The following ATPAF2 variants were observed in gnomAD, a reference collection of about 807,000 sequenced individuals.
ATPAF2 encodes ATP synthase mitochondrial F1 complex assembly factor 2.
Under a neutral mutation model 36.6 loss-of-function variants are expected in ATPAF2, and 30 were observed. The ratio of observed to expected loss-of-function variants is 0.82; its 90% CI spans 0.61 to 1.11. The LOEUF is 1.11. ATPAF2 is among the 50% of genes most tolerant of loss of function. The pLI, the probability that ATPAF2 is intolerant of heterozygous loss-of-function variation, is 0.00. For missense variants in ATPAF2, 321 were observed against 372.3 expected, an observed-to-expected ratio of 0.86 and a Z score of 1.13; for synonymous variants, 140 against 152.6, an observed-to-expected ratio of 0.92 and a Z score of 0.61.
At chr17:18,035,542 T>C (rs2044691554) in intron 1 of ATPAF2, among the ~76,000 whole-genome samples, 1 of 152,170 alleles carries the variant, frequency 6.6e-6, no homozygotes, top group African/African-American at 2.4e-5. Context: ...CAAGTAAATA[T>C]CTCAATAAAG....
At position 18,028,363 on chromosome 17, in the gene ATPAF2, T is replaced by G; in HGVS notation, c.193A>C (p.Asn65His). Reference sequence around the variant, plus strand: ...GTTTTCAGCTTCCTGTGGTCCAGGTTTATCTCAAAGCCACCTTGAAAGATC... The same window carrying G: ...GTTTTCAGCTTCCTGTGGTCCAGGTGTATCTCAAAGCCACCTTGAAAGATC... ...ITQGEGGFEI[N>H]LDHRKLKTPQ... Residue 65 changes from asparagine to histidine, a missense_variant, in exon 3 of 8, where the codon AAC becomes CAC. Asn to His is a moderately conservative substitution (Grantham distance 68). This residue lies in a region of ATPAF2 where 53 missense variants were observed against 91.6 expected (regional missense o/e 0.58). Coordinates refer to ENST00000474627, the MANE Select transcript of ATPAF2 (RefSeq NM_145691.4). 1 of 1,614,052 alleles carries G rather than the reference T, an allele frequency of 6.2e-7. No individual in the cohort carries two copies. Among genetic ancestry groups the G allele is most frequent in the South Asian group, 1.1e-5 (1 of 91,076 alleles).
Position 18,021,723 on chromosome 17 carries a change from C to G in ATPAF2, c.616+22G>C, listed in dbSNP as rs760581066. 7.5e-6 allele frequency: 12 copies of G among 1,607,144 alleles called. No individual in the cohort carries two copies. In the South Asian group the frequency reaches 1.3e-4, roughly 18 times the overall value. On this transcript the variant is annotated intron_variant, in intron 6 of 7. Coordinates refer to ENST00000474627, the MANE Select transcript of ATPAF2 (RefSeq NM_145691.4). ...TGGCCTTCACAGCCACCTGCCAAGCCCACAAGAAACTCCATACATGCCTTG... is the reference window on the plus strand; with the variant it reads ...TGGCCTTCACAGCCACCTGCCAAGCGCACAAGAAACTCCATACATGCCTTG...
At chr17:18,032,455 C>A (rs535534940) in intron 1 of ATPAF2, among the ~76,000 whole-genome samples, 5 of 152,158 alleles carry the variant, frequency 3.3e-5, no homozygotes, top group Non-Finnish European at 5.9e-5. Flanking sequence ...AGAAGAAAAC[C>A]ATGCAGAAAA....
chr17:18,016,602 G>A (rs778829224), downstream of ATPAF2: 2 of 1,613,940 alleles, frequency 1.2e-6, no homozygotes, highest in East Asian at 2.2e-5. Context: ...GCGTGAAGGA[G>A]ATCAATCAGT....
chr17:18,016,515 A>G (rs1237731233), downstream of ATPAF2: 2 of 1,366,736 alleles, frequency 1.5e-6, no homozygotes, highest in South Asian at 1.2e-5. Context: ...GATATTAACC[A>G]ATGATCTGAT....
chr17:18,024,805 C>G, intron 4 of ATPAF2, 101 bp from the exon 5 acceptor site: 1 of 957,594 alleles, frequency 1.0e-6, no homozygotes, highest in Non-Finnish European at 1.6e-6. Flanking sequence ...AAAACTTCAC[C>G]ACCACCATCC....
chr17:18,020,543 C>T (rs546206799), intron 7 of ATPAF2, among the ~76,000 whole-genome samples: 17 of 152,348 alleles, frequency 1.1e-4, no homozygotes, highest in Non-Finnish European at 2.5e-4. Flanking sequence ...AACCTTGCAC[C>T]TCCATTTCCT....
intron 1 of ATPAF2, among the ~76,000 whole-genome samples, chr17:18,038,526 C>T (rs1031893382): frequency 6.6e-6 from 1 of 152,226 alleles, no homozygotes; most frequent in African/African-American, 2.4e-5. Flanking sequence ...ACACCACAAA[C>T]CTCTGAGAGA....
Position 18,026,345 on chromosome 17 carries a change from C to G in ATPAF2, c.396G>C (p.Val132=). ...AGATGGTGTCGGTGTCCAGAAACTT[C>G]ACGGCTGCCCGGATCAGCTGATCCT... is the stretch of plus-strand genomic sequence containing the variant. The part of the protein sequence containing the change: ...RNKDQLIRAA[V]KFLDTDTICY... Residue 132 remains valine (V), a synonymous_variant, in exon 4 of 8, where the codon GTG becomes GTC. Coordinates refer to ENST00000474627, the MANE Select transcript of ATPAF2 (RefSeq NM_145691.4). The G allele has an allele frequency of 6.2e-7, 1 of 1,614,214 alleles. No homozygotes were observed. Among genetic ancestry groups the G allele is most frequent in the Admixed American group, 1.7e-5 (1 of 60,028 alleles).
downstream of ATPAF2, chr17:18,016,625 T>A (rs2044374452): frequency 1.2e-6 from 2 of 1,613,866 alleles, no homozygotes; most frequent in Non-Finnish European, 1.7e-6. Flanking sequence ...ATCGACCACA[T>A]GCAGAGCGAA....
At chr17:18,026,451 T>TGCGG (rs1169367288) in intron 3 of ATPAF2, 35 bp from the exon 4 acceptor site, 1 of 1,565,468 alleles carries the variant, frequency 6.4e-7, no homozygotes, top group Non-Finnish European at 8.8e-7. Flanking sequence ...TGTCACTGCC[T>TGCGG]GCGGGGCTCA....
At chr17:18,030,523 A>C (rs1296213153) in intron 1 of ATPAF2, among the ~76,000 whole-genome samples, 1 of 149,922 alleles carries the variant, frequency 6.7e-6, no homozygotes. Flanking sequence ...GAAAAAAAAA[A>C]AAAAAAAAAA....
chr17:18,020,161 C>T (rs1401804764), intron 7 of ATPAF2, among the ~76,000 whole-genome samples: 1 of 152,080 alleles, frequency 6.6e-6, no homozygotes, highest in Non-Finnish European at 1.5e-5. Flanking sequence ...AGCAATTAAC[C>T]TTCTGAGGTT....
chr17:18,030,515 A>G (rs1419032855), intron 1 of ATPAF2, among the ~76,000 whole-genome samples: 62 of 132,372 alleles, frequency 4.7e-4, no homozygotes, highest in African/African-American at 1.9e-3. Flanking sequence ...CTCTTGGGGA[A>G]AAAAAAAAAA....
chr17:18,026,562 G>C (rs1416237304), intron 3 of ATPAF2, 146 bp from the exon 4 acceptor site: 5 of 722,156 alleles, frequency 6.9e-6, no homozygotes, highest in Non-Finnish European at 1.3e-5. Flanking sequence ...CGGAGCAGCA[G>C]CACAGCTACT....
chr17:18,032,348 G>A (rs183956578), intron 1 of ATPAF2, among the ~76,000 whole-genome samples: 33 of 152,256 alleles, frequency 2.2e-4, no homozygotes, highest in Admixed American at 4.6e-4. Context: ...TTTCTGTTTT[G>A]TTGGCCAGGC....
intron 1 of ATPAF2, among the ~76,000 whole-genome samples, chr17:18,038,563 T>C (rs1597683433): frequency 1.3e-5 from 2 of 152,230 alleles, no homozygotes; most frequent in African/African-American, 4.8e-5. Context: ...GACGAAGTCC[T>C]GATTCAGAGC....
At chr17:18,016,584 C>A, downstream of ATPAF2, 1 of 1,613,760 alleles carries the variant, frequency 6.2e-7, no homozygotes, top group Non-Finnish European at 8.5e-7. Context: ...TCATGAGGAA[C>A]CGCAAGCGCG....
At chr17:18,038,446 G>C (rs2044737205) in intron 1 of ATPAF2, among the ~76,000 whole-genome samples, 1 of 152,182 alleles carries the variant, frequency 6.6e-6, no homozygotes, top group African/African-American at 2.4e-5. Context: ...AGGAATGAAG[G>C]CCCAGGTTCT....
Sources: gnomAD v4.1 joint callset for allele counts (sites outside exome capture counted in the v4.1 genomes callset) on GRCh38, gnomAD v4.1.1 for gene constraint, gnomAD v4.1.1 regional missense constraint, MANE v1.5 for transcripts, NCBI Gene and HGNC (gene_info 2026-07-23, HGNC 2026-07-21) for gene names.